The following RIMS1 variants were observed in gnomAD, a reference collection of about 807,000 sequenced individuals.
The protein encoded by RIMS1 is regulating synaptic membrane exocytosis 1.
RIMS1 carries 83 observed loss-of-function variants against 214.1 expected under a neutral mutation model. The observed-to-expected ratio is 0.39, with a 90% CI of 0.32 to 0.47. The LOEUF is 0.47. Among genes scored for constraint, RIMS1 ranks in the 20% least tolerant of loss-of-function variants. RIMS1 has a pLI of 0.99. For missense variants in RIMS1, 2,050 were observed against 2,161.8 expected (o/e 0.95, Z 1.03); for synonymous variants, 793 against 786.8 (o/e 1.01, Z -0.13).
At chr6:72,343,365 A>G (rs1357363105) in intron 29 of RIMS1, among the ~76,000 whole-genome samples, 1 of 139,588 alleles carries the variant, frequency 7.2e-6, no homozygotes, top group Admixed American at 7.2e-5. Context: ...TCTTTTTAGC[A>G]TGCATATTAT....
rs540529421 is a variant in RIMS1, at chr6:72,328,913, T to G, written c.4131-4687T>G. On this transcript the variant is annotated intron_variant, in intron 28 of 33. Transcript: ENST00000521978. The stretch of plus-strand genomic sequence containing the variant: ...CTGCTGGCCAGCCGTCTGACAGATT[T>G]CACCCATAGGTAGATTCCCTATTGT... Among the ~76,000 whole-genome samples the G allele has an allele frequency of 1.8e-3, 276 of 151,978 alleles. 1 individual carries two copies. The highest frequency in any genetic ancestry group is 6.4e-3 in the African/African-American group (265 of 41,528).
intron 29 of RIMS1, among the ~76,000 whole-genome samples, chr6:72,372,082 C>T (rs1366030871): frequency 2.6e-5 from 4 of 152,106 alleles, no homozygotes; most frequent in African/African-American, 7.2e-5. Context: ...TCTAAAATAC[C>T]TGGGCCAAGG....
intron 29 of RIMS1, among the ~76,000 whole-genome samples, chr6:72,337,565 AT>A (rs1188715688): frequency 1.3e-5 from 2 of 151,092 alleles, no homozygotes; most frequent in South Asian, 2.1e-4. Flanking sequence ...TATTATTCCC[AT>A]TTTTTTCTTT....
intron 2 of RIMS1, among the ~76,000 whole-genome samples, chr6:71,993,378 T>C (rs1471561759): frequency 6.6e-6 from 1 of 152,246 alleles, no homozygotes; most frequent in Non-Finnish European, 1.5e-5. Flanking sequence ...TATGCTCATT[T>C]CTGTTTGTTC....
At chr6:72,198,336 AATC>A (rs71755464) in intron 6 of RIMS1, among the ~76,000 whole-genome samples, 105,900 of 150,880 alleles carry the variant, frequency 0.7, 37,261 homozygotes, top group East Asian at 0.84. Flanking sequence ...ATGAAATAAT[AATC>A]ATCATCATCA....
chr6:72,235,805 G>A (rs2063779113), intron 8 of RIMS1, 77 bp downstream of exon 8: 2 of 625,106 alleles, frequency 3.2e-6, no homozygotes, highest in Non-Finnish European at 2.5e-6. Context: ...TTCTGGCAAT[G>A]ATTTTTAAAT....
At position 72,179,688 on chromosome 6, in the gene RIMS1, T is replaced by C. The variant is rs770285281; in HGVS notation, c.585T>C (p.Asp195=). 2.5e-6 allele frequency: 4 copies of C among 1,613,938 alleles called. No homozygotes were observed. The highest frequency in any genetic ancestry group is 3.4e-6 in the Non-Finnish European group (4 of 1,179,878). The change falls in exon 5 of 34, where the codon GAT becomes GAC. Residue 195 remains aspartate, a synonymous_variant. Coordinates refer to ENST00000521978, the MANE Select transcript of RIMS1 (RefSeq NM_014989.7). ...CAAGTCAGGATGGAACCCTGAGTGA[T>C]ACAGCTACAGGTGCTGGCTCTGAGG... ...QQTSQDGTLS[D]TATGAGSEVP...
At chr6:72,120,887 C>G (rs1432910257) in intron 4 of RIMS1, among the ~76,000 whole-genome samples, 1 of 151,866 alleles carries the variant, frequency 6.6e-6, no homozygotes, top group South Asian at 2.1e-4. Flanking sequence ...CCAGTTTTCC[C>G]AGCACCATTT....
Position 72,008,522 on chromosome 6 carries a change from A to G in RIMS1, c.245+39459A>G, listed in dbSNP as rs1324079822. Among the ~76,000 whole-genome samples the G allele has an allele frequency of 7.2e-5, 11 of 152,132 alleles. 1 individual carries two copies. The highest frequency in any genetic ancestry group is 1.3e-4 in the Admixed American group (2 of 15,254). On this transcript the variant is annotated intron_variant, in intron 2 of 33. Transcript: ENST00000521978. ...CTAAATGCTCCAATTAAAAGACACA[A>G]ACTGGCAAATTGGATAAAGAGTCAA... is the stretch of plus-strand genomic sequence containing the variant.
intron 4 of RIMS1, among the ~76,000 whole-genome samples, chr6:72,110,017 T>C (rs962239926): frequency 5.3e-5 from 8 of 152,120 alleles, no homozygotes; most frequent in African/African-American, 9.7e-5. Context: ...GTTTTAGATA[T>C]GTGGCGTTAT....
chr6:72,005,988 C>T (rs913373858), intron 2 of RIMS1, among the ~76,000 whole-genome samples: 1 of 152,168 alleles, frequency 6.6e-6, no homozygotes, highest in African/African-American at 2.4e-5. Context: ...TTATTTTTCA[C>T]AGTTTTGGAG....
intron 29 of RIMS1, among the ~76,000 whole-genome samples, chr6:72,340,112 G>A (rs919925341): frequency 1.3e-5 from 2 of 151,858 alleles, no homozygotes; most frequent in Non-Finnish European, 2.9e-5. Context: ...CATATCCTTC[G>A]CCCACTTGTT....
intron 29 of RIMS1, among the ~76,000 whole-genome samples, chr6:72,335,724 TCAAGCA>T (rs2096821771): frequency 1.3e-5 from 2 of 152,148 alleles, no homozygotes; most frequent in South Asian, 4.1e-4. Flanking sequence ...CCACATCCTC[TCAAGCA>T]TCTGTTGTTT....
At chr6:72,245,367 AC>A (rs1333234266) in intron 10 of RIMS1, among the ~76,000 whole-genome samples, 1 of 152,000 alleles carries the variant, frequency 6.6e-6, no homozygotes, top group Non-Finnish European at 1.5e-5. Flanking sequence ...CATGATATTC[AC>A]CACATCATTT....
Position 72,191,138 on chromosome 6 carries a change from A to G in RIMS1, c.1678+7989A>G, listed in dbSNP as rs567700759. Among the ~76,000 whole-genome samples the G allele has an allele frequency of 2.0e-5, 3 of 152,290 alleles. No homozygotes were observed. The South Asian group carries it at 6.2e-4, about 32-fold the overall frequency. ...TGGACCTGTTGTAGAGTCTTCTTCT[A>G]TTCTGGACCCCACTCAAAACTAGCA... On this transcript the variant is annotated intron_variant, in intron 6 of 33. Coordinates refer to ENST00000521978, the MANE Select transcript of RIMS1 (RefSeq NM_014989.7).
chr6:72,196,784 A>C (rs2051061152), intron 6 of RIMS1, among the ~76,000 whole-genome samples: 3 of 151,792 alleles, frequency 2.0e-5, no homozygotes, highest in Admixed American at 2.0e-4. Flanking sequence ...GTGCTTTTCC[A>C]CATAAGAGCT....
rs954673145 is a variant in RIMS1 at position 72,317,071 on chromosome 6, A to C, written c.4130+3399A>C. The C allele has an allele frequency of 4.3e-5, 15 of 347,176 alleles. No individual in the cohort carries two copies. In the Admixed American group the frequency reaches 5.3e-4, roughly 12 times the overall value. 21.5% of individuals were successfully genotyped at this position (347,176 alleles called of 1,614,324 possible). ...CCACAGAGGCCTCTCAGAGGAGGGC[A>C]GGGGTGGGGTGGGCACCACCTCCTC... is the stretch of plus-strand genomic sequence containing the variant. On this transcript the variant is annotated intron_variant, in intron 28 of 33. Transcript: ENST00000521978.
chr6:72,199,989 G>A (rs1348942834), intron 6 of RIMS1, among the ~76,000 whole-genome samples: 1 of 152,008 alleles, frequency 6.6e-6, no homozygotes, highest in East Asian at 1.9e-4. Flanking sequence ...CTATAGTTAT[G>A]CATGGGAAGC....
chr6:72,208,373 T>C (rs2053276668), intron 6 of RIMS1, among the ~76,000 whole-genome samples: 1 of 152,190 alleles, frequency 6.6e-6, no homozygotes, highest in Admixed American at 6.5e-5. Context: ...CTATAATACC[T>C]TTCCCATCCA....
Sources: allele counts gnomAD v4.1 joint callset (sites outside exome capture counted in the v4.1 genomes callset), GRCh38; gene constraint gnomAD v4.1.1; transcripts MANE v1.5; gene names NCBI Gene and HGNC (gene_info 2026-07-23, HGNC 2026-07-21).